MAEA: variants seen among roughly 807,000 people sequenced by gnomAD.
The protein encoded by MAEA is macrophage erythroblast attacher, E3 ubiquitin ligase.
A neutral mutation model predicts 46.2 loss-of-function variants in MAEA; 22 were observed. The ratio of observed to expected loss-of-function variants is 0.48; its 90% CI spans 0.34 to 0.68. The LOEUF (loss-of-function observed/expected upper bound fraction) is 0.68. Ranked by LOEUF, MAEA falls within the 30% of genes least tolerant of loss-of-function variation. The probability of loss-of-function intolerance (pLI) is 0.01; values close to 1 mark genes in which losing one functional copy is unlikely to be tolerated. For synonymous variants in MAEA, 246 were observed against 222.6 expected (o/e 1.11, Z -0.94); for missense variants, 393 against 558.1 (o/e 0.70, Z 2.98).
At chr4:1,305,373 G>A (rs1286532728) in intron 1 of MAEA, among the ~76,000 whole-genome samples, 1 of 152,320 alleles carries the variant, frequency 6.6e-6, no homozygotes, top group East Asian at 1.9e-4. Context: ...CAGGCGGCGC[G>A]GCCCTCCGTC....
intron 1 of MAEA, among the ~76,000 whole-genome samples, chr4:1,292,182 T>C (rs749883190): frequency 6.6e-6 from 1 of 152,160 alleles, no homozygotes; most frequent in Non-Finnish European, 1.5e-5. Flanking sequence ...CAAGTCCTCC[T>C]GCAGGGTGGT....
chr4:1,328,229 C>T (rs1006219426), intron 5 of MAEA, among the ~76,000 whole-genome samples: 1 of 152,224 alleles, frequency 6.6e-6, no homozygotes, highest in Non-Finnish European at 1.5e-5. Flanking sequence ...GCCAGCGGCG[C>T]CCTGGTGGTC....
intron 1 of MAEA, among the ~76,000 whole-genome samples, chr4:1,290,518 C>A (rs1022689067): frequency 1.3e-5 from 2 of 152,222 alleles, no homozygotes; most frequent in Non-Finnish European, 2.9e-5. Context: ...GGTTGCGTGA[C>A]CTTGGGTGGT....
At chr4:1,314,760 G>A (rs1405346777) in intron 2 of MAEA, among the ~76,000 whole-genome samples, 1 of 152,218 alleles carries the variant, frequency 6.6e-6, no homozygotes, top group Non-Finnish European at 1.5e-5. Context: ...CTTCCAAAGG[G>A]GCAACAGACA....
intron 1 of MAEA, chr4:1,298,001 C>T (rs1306691770): frequency 2.2e-6 from 1 of 456,286 alleles, no homozygotes; most frequent in South Asian, 1.5e-5. Context: ...CCTGCACTGG[C>T]CACAGAAGCC....
rs60692981 is a variant in MAEA at position 1,322,943 on chromosome 4, C to CTTT, written c.579+468_579+470dup. On this transcript the variant is annotated intron_variant, in intron 4 of 8. Transcript: ENST00000303400. ...CTGTGATATTGTTAATGAATACCCA[C>CTTT]TTTTTTTTTTTTTTTTTTTTTTTTT... 7.2e-4 allele frequency among the ~76,000 whole-genome samples: 54 copies of CTTT among 75,270 alleles called. 3 individuals are homozygous for CTTT. Among genetic ancestry groups the CTTT allele is most frequent in the Non-Finnish European group, 9.5e-4 (40 of 41,992 alleles). 49.4% of individuals were successfully genotyped at this position (75,270 alleles called of 152,430 possible).
rs200504283 is a variant in MAEA, at chr4:1,339,147, C to T, written c.1169C>T (p.Ala390Val). The T allele has an allele frequency of 1.2e-6, 2 of 1,613,822 alleles. No individual in the cohort carries two copies. Among genetic ancestry groups the T allele is most frequent in the Admixed American group, 1.7e-5 (1 of 60,028 alleles). ...AAAGAAGTCTTCCACTTCTCACAAG[C>T]CGAGAAGGTGTACATCATGTAGGCC... ...RTKEVFHFSQ[A>V]EKVYIM The change falls in exon 9 of 9, where the codon GCC (alanine) becomes GTC (valine). Residue 390 changes from alanine to valine, a missense_variant. Coordinates refer to ENST00000303400, the MANE Select transcript of MAEA (RefSeq NM_001017405.3).
intron 3 of MAEA, among the ~76,000 whole-genome samples, chr4:1,319,406 C>G (rs1490974141): frequency 6.6e-6 from 1 of 152,146 alleles, no homozygotes; most frequent in African/African-American, 2.4e-5. Flanking sequence ...AACCAGTTCA[C>G]TTAGATGGTT....
At chr4:1,308,066 G>A (rs914186133) in intron 1 of MAEA, among the ~76,000 whole-genome samples, 5 of 88,264 alleles carry the variant, frequency 5.7e-5, no homozygotes, top group Non-Finnish European at 1.3e-4. Flanking sequence ...CGACTTTGCG[G>A]TGTGAACATC....
intron 1 of MAEA, among the ~76,000 whole-genome samples, chr4:1,308,368 A>G (rs921248314): frequency 3.3e-5 from 5 of 152,112 alleles, no homozygotes; most frequent in African/African-American, 7.2e-5. Context: ...TCCCCTGGTG[A>G]TGGACATGTG....
Position 1,339,414 on chromosome 4 carries a change from C to G in MAEA, c.*245C>G, listed in dbSNP as rs1713230195. The G allele has an allele frequency of 5.7e-6, 3 of 530,486 alleles. No individual in the cohort carries two copies. The South Asian group carries it at 7.5e-5, about 13-fold the overall frequency. 32.9% of individuals were successfully genotyped at this position (530,486 alleles called of 1,614,324 possible). A position where few individuals can be genotyped will look rare whatever the true frequency, so the allele number is the denominator to read the frequency against. ...ATTTGATGCTTCTGAAAAGTACTTT[C>G]AACTTGCGAAGGAAACTCTTCTTTA... On this transcript the variant is annotated 3_prime_UTR_variant, in exon 9 of 9. Transcript: ENST00000303400.
intron 4 of MAEA, among the ~76,000 whole-genome samples, chr4:1,327,358 C>G (rs1738977516): frequency 6.6e-6 from 1 of 152,250 alleles, no homozygotes. Flanking sequence ...GCGCCCTGGC[C>G]TTCGGGTTGA....
chr4:1,325,930 G>C (rs752977072), intron 4 of MAEA, among the ~76,000 whole-genome samples: 1 of 152,174 alleles, frequency 6.6e-6, no homozygotes, highest in Non-Finnish European at 1.5e-5. Context: ...TGTGAGTTCT[G>C]CGTCCAGCCT....
At chr4:1,298,211 G>C (rs1734959023) in intron 1 of MAEA, 1 of 391,048 alleles carries the variant, frequency 2.6e-6, no homozygotes, top group Admixed American at 2.8e-5. Flanking sequence ...TCGCCTGCCT[G>C]CTTGTGCTCA....
intron 3 of MAEA, among the ~76,000 whole-genome samples, chr4:1,319,230 G>C (rs896200671): frequency 1.3e-5 from 2 of 152,114 alleles, no homozygotes; most frequent in African/African-American, 4.8e-5. Flanking sequence ...GTGGGTGCCT[G>C]GGGTCCCAGC....
intron 2 of MAEA, among the ~76,000 whole-genome samples, chr4:1,314,995 A>G (rs1311253479): frequency 6.6e-6 from 1 of 152,230 alleles, no homozygotes; most frequent in African/African-American, 2.4e-5. Flanking sequence ...GAACGTTTCT[A>G]TCTAGCCCGA....
At chr4:1,312,820 T>C (rs1271925053) in intron 2 of MAEA, among the ~76,000 whole-genome samples, 1 of 152,202 alleles carries the variant, frequency 6.6e-6, no homozygotes, top group Non-Finnish European at 1.5e-5. Context: ...GGGACTAATC[T>C]GGCCCACTGA....
At chr4:1,306,055 A>C (rs965030574) in intron 1 of MAEA, among the ~76,000 whole-genome samples, 2 of 152,324 alleles carry the variant, frequency 1.3e-5, no homozygotes, top group Middle Eastern at 6.8e-3. Context: ...GGTCCTCAGC[A>C]GATTGGGCAG....
At chr4:1,297,827 T>G in intron 1 of MAEA, 1 of 337,134 alleles carries the variant, frequency 3.0e-6, no homozygotes, top group Non-Finnish European at 6.0e-6. Context: ...CATTCTAGAG[T>G]ATGTCTTGGT....
Sources: gnomAD v4.1 joint callset for allele counts (sites outside exome capture counted in the v4.1 genomes callset) on GRCh38, gnomAD v4.1.1 for gene constraint, MANE v1.5 for transcripts, NCBI Gene and HGNC (gene_info 2026-07-23, HGNC 2026-07-21) for gene names.